The following KCMF1 variants were observed in gnomAD, a reference collection of about 807,000 sequenced individuals.
KCMF1 encodes the protein potassium channel modulatory factor 1, also known as E3 ubiquitin-protein ligase KCMF1.
Under a neutral mutation model 41.1 loss-of-function variants are expected in KCMF1, and 3 were observed. The observed-to-expected ratio is 0.07, with a 90% CI of 0.03 to 0.19. The LOEUF (loss-of-function observed/expected upper bound fraction) is 0.19. Ranked by LOEUF, KCMF1 falls within the 10% of genes least tolerant of loss-of-function variation. The probability of loss-of-function intolerance (pLI) is 1.00; values close to 1 mark genes in which losing one functional copy is unlikely to be tolerated. For missense variants in KCMF1, 286 were observed against 488.9 expected (o/e 0.58, Z 3.91); for synonymous variants, 142 against 164.5 (o/e 0.86, Z 1.04).
At chr2:85,051,915 T>C (rs1045055260) in intron 6 of KCMF1, among the ~76,000 whole-genome samples, 3 of 152,234 alleles carry the variant, frequency 2.0e-5, no homozygotes, top group East Asian at 1.9e-4. Context: ...ACAGCTCTTA[T>C]GTGATATATA....
At chr2:85,002,078 T>A (rs1211333523) in intron 1 of KCMF1, among the ~76,000 whole-genome samples, 32 of 152,194 alleles carry the variant, frequency 2.1e-4, no homozygotes, top group Admixed American at 2.1e-3. Context: ...GGCTTTGGCA[T>A]CCTCCTCAAA....
intron 1 of KCMF1, chr2:84,972,180 G>A (rs146458576): frequency 0.018 from 2,677 of 152,370 alleles, 51 homozygotes; most frequent in South Asian, 0.044. Flanking sequence ...CGCTCCCCGC[G>A]GCCCTGGTGC....
chr2:85,017,284 C>G lies in KCMF1; in HGVS notation c.17-10605C>G, dbSNP rs969342898. ...CTCATGATCCACCCGCTTCGGCCTCCCAAAGTGCTGGGATTACAGGCGTGA... is the reference window on the plus strand; with the variant it reads ...CTCATGATCCACCCGCTTCGGCCTCGCAAAGTGCTGGGATTACAGGCGTGA... On this transcript the variant is annotated intron_variant, in intron 1 of 6. Coordinates refer to ENST00000409785, the MANE Select transcript of KCMF1 (RefSeq NM_020122.5). Among the ~76,000 whole-genome samples, 21 of 150,950 alleles carry G rather than the reference C, an allele frequency of 1.4e-4. No homozygotes were observed. The East Asian group carries it at 3.8e-3, about 27-fold the overall frequency.
chr2:84,985,172 A>G (rs1011496930), intron 1 of KCMF1, among the ~76,000 whole-genome samples: 1 of 152,168 alleles, frequency 6.6e-6, no homozygotes, highest in Admixed American at 6.5e-5. Context: ...GCTGGAGGGC[A>G]ATGATTGGGG....
intron 4 of KCMF1, among the ~76,000 whole-genome samples, chr2:85,045,198 C>T (rs1045570834): frequency 6.6e-6 from 1 of 152,044 alleles, no homozygotes; most frequent in Non-Finnish European, 1.5e-5. Context: ...TATGATTGCA[C>T]CACTGCACTC....
intron 1 of KCMF1, 36 bp from the exon 2 acceptor site, chr2:85,027,853 A>T: frequency 7.0e-7 from 1 of 1,425,688 alleles, no homozygotes. Flanking sequence ...AGTGGCCTTT[A>T]CAACTGGTAA....
intron 1 of KCMF1, among the ~76,000 whole-genome samples, chr2:84,994,001 G>A (rs1015010094): frequency 6.6e-6 from 1 of 152,018 alleles, no homozygotes; most frequent in African/African-American, 2.4e-5. Flanking sequence ...AGGCTGGAGT[G>A]CAGTGGCGTG....
At chr2:85,047,367 T>G (rs1025956532) in intron 5 of KCMF1, among the ~76,000 whole-genome samples, 7 of 152,154 alleles carry the variant, frequency 4.6e-5, no homozygotes, top group African/African-American at 1.4e-4. Context: ...TGTCACAGAT[T>G]TATGCCTATC....
chr2:85,053,277 G>C lies in KCMF1; in HGVS notation c.1014G>C (p.Glu338Asp). 2 of 1,613,968 alleles carry C rather than the reference G, an allele frequency of 1.2e-6. No homozygotes were observed. The highest frequency in any genetic ancestry group is 2.2e-5 in the South Asian group (2 of 91,078). ...GTGAAGAGAGCTCATCCTCAGATGA[G>C]GATGATCGGGGGGAGATGGCAGATT... ...LVREESSSSD[E>D]DDRGEMADFG... Residue 338 changes from glutamate to aspartate, a missense_variant, in exon 7 of 7, where the codon GAG (glutamate) becomes GAC (aspartate). Glu to Asp is a conservative substitution (Grantham distance 45). This residue lies in a region of KCMF1 where 191 missense variants were observed against 279.3 expected (regional missense o/e 0.68). Coordinates refer to ENST00000409785, the MANE Select transcript of KCMF1 (RefSeq NM_020122.5).
chr2:85,031,019 G>A (rs941073631), intron 2 of KCMF1, among the ~76,000 whole-genome samples: 1 of 152,180 alleles, frequency 6.6e-6, no homozygotes. Context: ...CTTTATGCCA[G>A]TACTACACTG....
At chr2:84,988,582 C>T (rs575657335) in intron 1 of KCMF1, among the ~76,000 whole-genome samples, 78 of 152,272 alleles carry the variant, frequency 5.1e-4, no homozygotes, top group African/African-American at 1.7e-3. Context: ...TAGACTGGTT[C>T]CTACAGCAGA....
At chr2:85,008,298 A>ATATAATATGATATATATATC (rs1558573393) in intron 1 of KCMF1, among the ~76,000 whole-genome samples, 4 of 77,930 alleles carry the variant, frequency 5.1e-5, no homozygotes, top group Non-Finnish European at 4.6e-5. Context: ...TAATATATAT[A>ATATAATATGATATATATATC]ATATATAATA....
chr2:85,051,399 A>G (rs539190864), intron 6 of KCMF1, among the ~76,000 whole-genome samples: 1 of 146,834 alleles, frequency 6.8e-6, no homozygotes, highest in Admixed American at 6.7e-5. Flanking sequence ...GCCCTTTGGA[A>G]AAGACATCTT....
intron 2 of KCMF1, among the ~76,000 whole-genome samples, chr2:85,029,473 T>C (rs1390125049): frequency 2.6e-5 from 4 of 151,504 alleles, no homozygotes; most frequent in African/African-American, 9.7e-5. Flanking sequence ...CGCACATGCA[T>C]CTGTAGCCCT....
At chr2:85,042,501 T>C (rs529176260) in intron 3 of KCMF1, among the ~76,000 whole-genome samples, 1 of 152,296 alleles carries the variant, frequency 6.6e-6, no homozygotes, top group East Asian at 1.9e-4. Flanking sequence ...AGTGAAAGAA[T>C]TTCGGCACAT....
intron 2 of KCMF1, among the ~76,000 whole-genome samples, chr2:85,033,183 C>T (rs950845806): frequency 6.6e-6 from 1 of 152,158 alleles, no homozygotes. Flanking sequence ...CTTTTATGAT[C>T]ATTTAAATCT....
intron 1 of KCMF1, among the ~76,000 whole-genome samples, chr2:84,993,471 T>G (rs2103979887): frequency 6.6e-6 from 1 of 152,254 alleles, no homozygotes; most frequent in East Asian, 1.9e-4. Context: ...GATTAACACA[T>G]AGTTGATGTA....
chr2:85,008,369 T>TGATA (rs1175773309), intron 1 of KCMF1, among the ~76,000 whole-genome samples: 21 of 9,340 alleles, frequency 2.2e-3, no homozygotes, highest in African/African-American at 3.4e-3. Flanking sequence ...ATATTATATA[T>TGATA]CATATGATAT....
chr2:85,013,588 G>A (rs181336636), intron 1 of KCMF1, among the ~76,000 whole-genome samples: 190 of 151,968 alleles, frequency 1.3e-3, no homozygotes, highest in Admixed American at 1.9e-3. Flanking sequence ...TCACGAGGCC[G>A]GTAGTTCGAG....
Sources: gnomAD v4.1 joint callset for allele counts (sites outside exome capture counted in the v4.1 genomes callset) on GRCh38, gnomAD v4.1.1 for gene constraint, gnomAD v4.1.1 regional missense constraint, MANE v1.5 for transcripts, NCBI Gene and HGNC (gene_info 2026-07-23, HGNC 2026-07-21) for gene names.